EXOC4: variants seen among roughly 807,000 people sequenced by gnomAD.
The protein encoded by EXOC4 is exocyst complex component 4.
EXOC4 carries 71 observed loss-of-function variants against 107.2 expected under a neutral mutation model. That is an observed-to-expected ratio of 0.66 (90% CI 0.55 to 0.81). The LOEUF (loss-of-function observed/expected upper bound fraction) is 0.81. Ranked by LOEUF, EXOC4 falls within the 30% of genes least tolerant of loss-of-function variation. The pLI, the probability that EXOC4 is intolerant of heterozygous loss-of-function variation, is 0.00. For missense variants in EXOC4, 1,108 were observed against 1,189.6 expected, an observed-to-expected ratio of 0.93 and a Z score of 1.01; for synonymous variants, 456 against 441.2, an observed-to-expected ratio of 1.03 and a Z score of -0.42.
rs1796148017 is a variant in EXOC4, at chr7:134,064,821, T to C, written c.*293T>C. On this transcript the variant is annotated 3_prime_UTR_variant, in exon 18 of 18. Transcript: ENST00000253861. ...TGTTGGACTCTGAAAAACAAGTGGA[T>C]GGATTACTAATATTTGATTTATTAC... is the stretch of plus-strand genomic sequence containing the variant. 1 of 204,522 alleles carries C rather than the reference T, an allele frequency of 4.9e-6. No individual in the cohort carries two copies. The highest frequency in any genetic ancestry group is 9.8e-6 in the Non-Finnish European group (1 of 102,468). The allele number at this position is 204,522 out of a possible 1,614,324, so 12.7% of individuals were successfully genotyped here.
At chr7:133,903,759 G>A (rs1055247609) in intron 12 of EXOC4, among the ~76,000 whole-genome samples, 14 of 152,184 alleles carry the variant, frequency 9.2e-5, no homozygotes, top group African/African-American at 3.4e-4. Flanking sequence ...AAAACTATGG[G>A]ACTAGATGAA....
downstream of EXOC4, among the ~76,000 whole-genome samples, chr7:134,068,878 T>G (rs1414386412): frequency 6.6e-6 from 1 of 152,212 alleles, no homozygotes; most frequent in Non-Finnish European, 1.5e-5. Context: ...GTAGCACTAA[T>G]GCATTCATTC....
intron 10 of EXOC4, among the ~76,000 whole-genome samples, chr7:133,721,358 C>T (rs1007078395): frequency 6.6e-6 from 1 of 151,834 alleles, no homozygotes; most frequent in African/African-American, 2.4e-5. Context: ...GAAAGAGCTA[C>T]GAATCAAAAC....
At chr7:133,600,871 A>C (rs1423482477) in intron 9 of EXOC4, among the ~76,000 whole-genome samples, 1 of 152,078 alleles carries the variant, frequency 6.6e-6, no homozygotes, top group Non-Finnish European at 1.5e-5. Flanking sequence ...ACAGGAACTG[A>C]CTTGTGTGAA....
chr7:133,484,049 G>C, intron 9 of EXOC4: 2 of 1,613,932 alleles, frequency 1.2e-6, no homozygotes, highest in Non-Finnish European at 1.7e-6. Flanking sequence ...GGGTAGCGGC[G>C]AAGAAATCCA....
At chr7:133,560,398 C>G (rs994326646) in intron 9 of EXOC4, among the ~76,000 whole-genome samples, 2 of 152,158 alleles carry the variant, frequency 1.3e-5, no homozygotes, top group African/African-American at 4.8e-5. Context: ...GATTCTCATG[C>G]TTCAGCCACT....
intron 7 of EXOC4, among the ~76,000 whole-genome samples, chr7:133,438,741 A>G (rs912421512): frequency 6.6e-6 from 1 of 152,216 alleles, no homozygotes; most frequent in Non-Finnish European, 1.5e-5. Flanking sequence ...TCATCTCAGA[A>G]CATTTATAAA....
chr7:133,466,596 T>C (rs1381974597), intron 7 of EXOC4, among the ~76,000 whole-genome samples: 1 of 152,176 alleles, frequency 6.6e-6, no homozygotes, highest in Non-Finnish European at 1.5e-5. Flanking sequence ...ACAAATATTC[T>C]GTCAAACATT....
chr7:133,861,361 G>A (rs1018496336), intron 11 of EXOC4, among the ~76,000 whole-genome samples: 1 of 152,096 alleles, frequency 6.6e-6, no homozygotes, highest in Non-Finnish European at 1.5e-5. Flanking sequence ...CCTGTGACAT[G>A]CAATTTATCT....
chr7:133,316,888 A>T (rs370421292), intron 4 of EXOC4, among the ~76,000 whole-genome samples: 4 of 152,306 alleles, frequency 2.6e-5, no homozygotes, highest in Admixed American at 1.3e-4. Context: ...GTATCATGGC[A>T]TGTTGTCATT....
intron 14 of EXOC4, among the ~76,000 whole-genome samples, chr7:133,944,542 C>T (rs1302395809): frequency 6.6e-6 from 1 of 152,114 alleles, no homozygotes; most frequent in African/African-American, 2.4e-5. Flanking sequence ...GACTTTGTGC[C>T]TCCAATTTGT....
the EXOC4 span, among the ~76,000 whole-genome samples, chr7:134,085,817 C>T: frequency 1.3e-5 from 2 of 152,142 alleles, 1 homozygote; most frequent in South Asian, 4.1e-4. Flanking sequence ...CAAATGGGAG[C>T]CTGGCAAAAT....
chr7:133,521,541 C>T (rs1799979627), intron 9 of EXOC4, among the ~76,000 whole-genome samples: 1 of 151,956 alleles, frequency 6.6e-6, no homozygotes. Context: ...GAAGGATAAC[C>T]TAGAATTACA....
At chr7:133,986,055 G>A (rs896678224) in intron 14 of EXOC4, among the ~76,000 whole-genome samples, 7 of 152,220 alleles carry the variant, frequency 4.6e-5, no homozygotes, top group Admixed American at 1.3e-4. Flanking sequence ...GCTTCAGAGC[G>A]TAGGCTTTAT....
chr7:133,614,901 G>A (rs1428466059), intron 9 of EXOC4, among the ~76,000 whole-genome samples: 2 of 147,706 alleles, frequency 1.4e-5, no homozygotes, highest in African/African-American at 5.0e-5. Flanking sequence ...ATTAACAAAA[G>A]ACAACTTGAT....
chr7:134,070,241 T>C (rs1466089120), downstream of EXOC4, among the ~76,000 whole-genome samples: 1 of 152,154 alleles, frequency 6.6e-6, no homozygotes, highest in Non-Finnish European at 1.5e-5. Flanking sequence ...TTATAAGAAG[T>C]ACATAATTAA....
rs533960566 is a variant in EXOC4, at chr7:133,401,564, A to C, written c.1182+26562A>C. ...GTAGTCCCAGCTACTTGGGAGTATA[A>C]AGTGGAAGGATTGCTTGAACACAGG... On this transcript the variant is annotated intron_variant, in intron 7 of 17. Transcript: ENST00000253861. Among the ~76,000 whole-genome samples, 459 of 151,964 alleles carry C rather than the reference A, an allele frequency of 3.0e-3. 3 individuals carry two copies. Among genetic ancestry groups the C allele is most frequent in the African/African-American group, 0.011 (438 of 41,410 alleles).
chr7:134,073,924 ACTGT>A, the EXOC4 span, among the ~76,000 whole-genome samples: 6 of 152,096 alleles, frequency 3.9e-5, no homozygotes, highest in South Asian at 2.1e-4. Flanking sequence ...GACTCTAAAC[ACTGT>A]CTGGTGCTGT....
At chr7:134,083,628 C>G in the EXOC4 span, among the ~76,000 whole-genome samples, 3 of 152,108 alleles carry the variant, frequency 2.0e-5, no homozygotes, top group African/African-American at 4.8e-5. Flanking sequence ...AGTCTCAGAG[C>G]CCCTCCATGT....
Sources: gnomAD v4.1 joint callset for allele counts (sites outside exome capture counted in the v4.1 genomes callset) on GRCh38, gnomAD v4.1.1 for gene constraint, MANE v1.5 for transcripts, NCBI Gene and HGNC (gene_info 2026-07-23, HGNC 2026-07-21) for gene names.